LRP1B: variants seen among roughly 807,000 people sequenced by gnomAD.
LRP1B encodes LDL receptor related protein 1B.
LRP1B carries 217 observed loss-of-function variants against 556.6 expected under a neutral mutation model. The observed-to-expected ratio is 0.39, with a 90% CI of 0.35 to 0.44. The LOEUF (loss-of-function observed/expected upper bound fraction) is 0.44, where lower values mean the gene tolerates loss of function less well. LRP1B is among the 20% of genes least tolerant of loss of function. The pLI is 1.00. For missense variants in LRP1B, 5,053 were observed against 5,620.8 expected (o/e 0.90, Z 3.23); for synonymous variants, 2,047 against 1,865.8 (o/e 1.10, Z -2.50).
In LRP1B at chr2:141,986,459, T is replaced by C. The variant is rs1037227594; in HGVS notation, c.82+144189A>G. 6.6e-5 allele frequency among the ~76,000 whole-genome samples: 10 copies of C among 152,084 alleles called. No individual in the cohort carries two copies. The Middle Eastern group carries it at 0.01, about 155-fold the overall frequency. Reference sequence around the variant, plus strand: ...TCTGAGTATCAGAGACAAGAACAGTTAGCCAGTCTGCCAGGCTATTTTTTT... The same window carrying C: ...TCTGAGTATCAGAGACAAGAACAGTCAGCCAGTCTGCCAGGCTATTTTTTT... On this transcript the variant is annotated intron_variant, in intron 1 of 90. Coordinates refer to ENST00000389484, the MANE Select transcript of LRP1B (RefSeq NM_018557.3).
intron 66 of LRP1B, among the ~76,000 whole-genome samples, chr2:140,429,548 T>A (rs1018470395): frequency 2.6e-5 from 4 of 152,166 alleles, no homozygotes; most frequent in African/African-American, 7.2e-5. Flanking sequence ...CCCAAATTTC[T>A]TCCTCATCTG....
At chr2:140,402,711 C>T (rs1270670424) in intron 66 of LRP1B, among the ~76,000 whole-genome samples, 1 of 152,166 alleles carries the variant, frequency 6.6e-6, no homozygotes. Flanking sequence ...AGAGCTACCC[C>T]AGCCACCCTC....
intron 7 of LRP1B, among the ~76,000 whole-genome samples, chr2:141,141,537 T>A (rs1462026429): frequency 6.6e-6 from 1 of 152,188 alleles, no homozygotes; most frequent in East Asian, 1.9e-4. Context: ...GATAGGTAAA[T>A]TTTTAAATCT....
chr2:140,655,032 G>GTGTATGTATATATATATATATATATATA (rs767709816), intron 41 of LRP1B, among the ~76,000 whole-genome samples: 1 of 147,094 alleles, frequency 6.8e-6, no homozygotes, highest in African/African-American at 2.5e-5. Flanking sequence ...GTATATGTAT[G>GTGTATGTATATATATATATATATATATA]TATATATATA....
At chr2:140,554,583 A>T (rs1680659405) in intron 43 of LRP1B, among the ~76,000 whole-genome samples, 1 of 151,942 alleles carries the variant, frequency 6.6e-6, no homozygotes, top group African/African-American at 2.4e-5. Flanking sequence ...TTTCCTCTCC[A>T]TATCCGGAAC....
intron 1 of LRP1B, among the ~76,000 whole-genome samples, chr2:141,816,188 C>T (rs1318800869): frequency 1.3e-5 from 2 of 152,096 alleles, no homozygotes; most frequent in African/African-American, 4.8e-5. Context: ...ACTGTGATGG[C>T]TAATACTGTC....
chr2:142,050,695 C>T (rs1704424144), intron 1 of LRP1B, among the ~76,000 whole-genome samples: 2 of 152,160 alleles, frequency 1.3e-5, no homozygotes, highest in Middle Eastern at 3.4e-3. Context: ...GAACGAGTAG[C>T]TTATATGAAG....
intron 1 of LRP1B, among the ~76,000 whole-genome samples, chr2:141,974,763 T>A (rs2105082541): frequency 6.6e-6 from 1 of 152,246 alleles, no homozygotes; most frequent in East Asian, 1.9e-4. Context: ...TGACAACTAC[T>A]GTTCCAATTT....
intron 35 of LRP1B, among the ~76,000 whole-genome samples, chr2:140,748,234 CATAA>C (rs1255905340): frequency 6.3e-5 from 8 of 127,266 alleles, no homozygotes; most frequent in South Asian, 4.7e-4. Flanking sequence ...GTCAAATATC[CATAA>C]ATATATATTC....
intron 16 of LRP1B, among the ~76,000 whole-genome samples, chr2:140,992,115 G>C (rs1697110218): frequency 6.6e-6 from 1 of 151,826 alleles, no homozygotes; most frequent in African/African-American, 2.4e-5. Flanking sequence ...TAAGGTGAAG[G>C]CCTAATTTAG....
At chr2:141,256,176 G>C (rs1238792783) in intron 3 of LRP1B, among the ~76,000 whole-genome samples, 20 of 152,010 alleles carry the variant, frequency 1.3e-4, no homozygotes, top group Admixed American at 1.3e-3. Flanking sequence ...GAAGATATCT[G>C]AGAAACAGTT....
chr2:140,671,357 A>G (rs1024201206), intron 41 of LRP1B, among the ~76,000 whole-genome samples: 1 of 152,090 alleles, frequency 6.6e-6, no homozygotes, highest in Admixed American at 6.5e-5. Flanking sequence ...CGTCTCTACT[A>G]AAAATACAAA....
intron 2 of LRP1B, among the ~76,000 whole-genome samples, chr2:141,630,687 A>G (rs1688874675): frequency 6.6e-6 from 1 of 152,186 alleles, no homozygotes; most frequent in Non-Finnish European, 1.5e-5. Context: ...TCAAAATGTA[A>G]TCCCATCCTA....
chr2:141,877,699 C>A (rs1001556211), intron 1 of LRP1B, among the ~76,000 whole-genome samples: 1 of 151,896 alleles, frequency 6.6e-6, no homozygotes, highest in African/African-American at 2.4e-5. Flanking sequence ...AATACTCAAA[C>A]TGATGTATAT....
In LRP1B at chr2:140,322,037, G is replaced by A. The variant is rs1157648062; in HGVS notation, c.12566C>T (p.Pro4189Leu). 2 of 1,612,828 alleles carry A rather than the reference G, an allele frequency of 1.2e-6. No individual in the cohort carries two copies. Among genetic ancestry groups the A allele is most frequent in the Non-Finnish European group, 1.7e-6 (2 of 1,179,442 alleles). Residue 4189 changes from proline (P) to leucine (L), a missense_variant, in exon 82 of 91, where the codon CCT becomes CTT. This residue lies in a region of LRP1B where 551 missense variants were observed against 592.0 expected (regional missense o/e 0.93). Coordinates refer to ENST00000389484, the MANE Select transcript of LRP1B (RefSeq NM_018557.3). Reference protein sequence around the residue: ...LACEFLCLLNPSGATCVCPEG... With the variant: ...LACEFLCLLNLSGATCVCPEG... ...TGGACACACACAAGTGGCCCCAGAA[G>A]GATTTAGCAAGCAAAGAAATTCGCA... is the stretch of plus-strand genomic sequence containing the variant.
In LRP1B at chr2:140,769,197, C is replaced by A; in HGVS notation, c.5758+16G>T. On this transcript the variant is annotated intron_variant, in intron 35 of 90. Transcript: ENST00000389484. ...TGAATATATTATGCATAAATTATGA[C>A]TAAAAAGCTATTTACCTGCATGGAA... The A allele has an allele frequency of 1.2e-6, 2 of 1,608,580 alleles. No homozygotes were observed. Among genetic ancestry groups the A allele is most frequent in the South Asian group, 1.1e-5 (1 of 90,930 alleles).
chr2:140,308,666 C>A (rs115584667), intron 83 of LRP1B, among the ~76,000 whole-genome samples: 3,085 of 148,588 alleles, frequency 0.021, 38 homozygotes, highest in African/African-American at 0.028. Context: ...GTATATCTAA[C>A]TAGTTTTATG....
At chr2:140,565,273 T>A (rs1211785888) in intron 43 of LRP1B, among the ~76,000 whole-genome samples, 1 of 144,658 alleles carries the variant, frequency 6.9e-6, no homozygotes, top group Non-Finnish European at 1.5e-5. Flanking sequence ...ATAAAAATTG[T>A]TTTATATATC....
intron 1 of LRP1B, among the ~76,000 whole-genome samples, chr2:141,916,450 C>T (rs894942527): frequency 5.9e-5 from 9 of 151,866 alleles, no homozygotes; most frequent in East Asian, 1.9e-4. Context: ...CTGCAAGCTC[C>T]ACCTCCTGGG....
Sources: gnomAD v4.1 joint callset for allele counts (sites outside exome capture counted in the v4.1 genomes callset) on GRCh38, gnomAD v4.1.1 for gene constraint, gnomAD v4.1.1 regional missense constraint, MANE v1.5 for transcripts, NCBI Gene and HGNC (gene_info 2026-07-23, HGNC 2026-07-21) for gene names.